PARD3: variants seen among roughly 807,000 people sequenced by gnomAD.
PARD3 encodes par-3 family cell polarity regulator, also known as partitioning defective 3 homolog.
In PARD3, 75 loss-of-function variants were observed where a neutral mutation model predicts 155.4. That is an observed-to-expected ratio of 0.48 (90% CI 0.40 to 0.58). The LOEUF (loss-of-function observed/expected upper bound fraction) is 0.58. PARD3 is among the 20% of genes least tolerant of loss of function. PARD3 has a pLI of 0.00. For missense variants in PARD3, 1,642 were observed against 1,721.7 expected, an observed-to-expected ratio of 0.95 and a Z score of 0.82; for synonymous variants, 576 against 610.5, an observed-to-expected ratio of 0.94 and a Z score of 0.83.
chr10:34,401,083 A>G (rs1843829956), intron 6 of PARD3, among the ~76,000 whole-genome samples: 1 of 152,218 alleles, frequency 6.6e-6, no homozygotes, highest in South Asian at 2.1e-4. Flanking sequence ...GACCAAGAAA[A>G]GACAGAATTA....
intron 7 of PARD3, among the ~76,000 whole-genome samples, chr10:34,396,051 T>C (rs1326391622): frequency 6.6e-6 from 1 of 152,072 alleles, no homozygotes; most frequent in Non-Finnish European, 1.5e-5. Context: ...TGCAAGATTC[T>C]TATTTTAAAA....
intron 22 of PARD3, among the ~76,000 whole-genome samples, chr10:34,171,447 A>C (rs1205965048): frequency 6.6e-6 from 1 of 152,152 alleles, no homozygotes. Context: ...AAATTCCACA[A>C]AGTGATATTA....
At chr10:34,631,716 A>G (rs760439801) in intron 2 of PARD3, among the ~76,000 whole-genome samples, 3 of 151,964 alleles carry the variant, frequency 2.0e-5, no homozygotes, top group Non-Finnish European at 4.4e-5. Context: ...CAATCCTCCA[A>G]CCTCCTGAGT....
At chr10:34,464,732 T>C (rs1195200447) in intron 4 of PARD3, among the ~76,000 whole-genome samples, 1 of 152,080 alleles carries the variant, frequency 6.6e-6, no homozygotes, top group African/African-American at 2.4e-5. Flanking sequence ...CATAGGAAAA[T>C]TCTCTCAATA....
At chr10:34,393,836 ATTTTT>A (rs11330074) in intron 7 of PARD3, among the ~76,000 whole-genome samples, 2 of 128,800 alleles carry the variant, frequency 1.6e-5, no homozygotes, top group Non-Finnish European at 1.6e-5. Flanking sequence ...AATAGTAGTA[ATTTTT>A]TTTTTTTTTT....
chr10:34,720,759 T>C (rs1414914561), intron 1 of PARD3, among the ~76,000 whole-genome samples: 1 of 151,786 alleles, frequency 6.6e-6, no homozygotes, highest in Non-Finnish European at 1.5e-5. Context: ...ATCGCGCCAT[T>C]GCACTCCAGC....
intron 2 of PARD3, among the ~76,000 whole-genome samples, chr10:34,532,918 T>C (rs775729387): frequency 2.0e-5 from 3 of 152,136 alleles, no homozygotes; most frequent in African/African-American, 7.2e-5. Context: ...CATCATAGAG[T>C]ATATTACATA....
At chr10:34,486,081 G>A (rs550952696) in intron 3 of PARD3, among the ~76,000 whole-genome samples, 40 of 152,088 alleles carry the variant, frequency 2.6e-4, no homozygotes, top group Admixed American at 1.1e-3. Context: ...GTGCCACGAT[G>A]AGTGGCTAAT....
chr10:34,293,407 C>G (rs908203653), intron 20 of PARD3, among the ~76,000 whole-genome samples: 40 of 152,082 alleles, frequency 2.6e-4, no homozygotes, highest in African/African-American at 7.2e-5. Context: ...CCCAAATACC[C>G]AAATGCAAAT....
chr10:34,680,354 T>A (rs1197132480), intron 2 of PARD3, among the ~76,000 whole-genome samples: 1 of 151,764 alleles, frequency 6.6e-6, no homozygotes, highest in Non-Finnish European at 1.5e-5. Context: ...AGGTCAGGAG[T>A]TCGAGACCAG....
At chr10:34,726,058 G>A (rs946392251) in intron 1 of PARD3, among the ~76,000 whole-genome samples, 4 of 152,154 alleles carry the variant, frequency 2.6e-5, no homozygotes, top group African/African-American at 9.7e-5. Flanking sequence ...AAGGATTTCT[G>A]CCTAACATGT....
In PARD3 at chr10:34,111,409, G is replaced by A; in HGVS notation, c.3822C>T (p.Ala1274=). 6.2e-7 allele frequency: 1 copy of A among 1,614,164 alleles called. No homozygotes were observed. Among genetic ancestry groups the A allele is most frequent in the South Asian group, 1.1e-5 (1 of 91,084 alleles). ...GCTCCTGAGTTTCCAGCATGACCCTGGCGTTGAAGCCATGTCCTCCCAGGT... is the reference window on the plus strand; with the variant it reads ...GCTCCTGAGTTTCCAGCATGACCCTAGCGTTGAAGCCATGTCCTCCCAGGT... ...NGYLGGHGFN[A]RVMLETQELL... is the part of the protein sequence containing the mutation. The change falls in exon 25 of 25, where the codon GCC becomes GCT. Residue 1274 remains alanine (A), a synonymous_variant. Transcript: ENST00000374788.
chr10:34,333,377 A>C (rs919810776), intron 18 of PARD3, among the ~76,000 whole-genome samples: 5 of 152,164 alleles, frequency 3.3e-5, no homozygotes, highest in Non-Finnish European at 7.4e-5. Context: ...TTGGAAAGAA[A>C]AACAATGGTC....
At chr10:34,524,306 CT>C (rs1379681188) in intron 2 of PARD3, among the ~76,000 whole-genome samples, 1 of 152,178 alleles carries the variant, frequency 6.6e-6, no homozygotes, top group African/African-American at 2.4e-5. Context: ...CCGACAAGAG[CT>C]AATGCCATCC....
At chr10:34,205,295 A>AT (rs67357003) in intron 22 of PARD3, among the ~76,000 whole-genome samples, 32,202 of 152,054 alleles carry the variant, frequency 0.21, 3,543 homozygotes, top group Middle Eastern at 0.32. Flanking sequence ...ATCTGACTGT[A>AT]TTTAGCCTGT....
At chr10:34,272,921 T>C (rs1265236732) in intron 21 of PARD3, among the ~76,000 whole-genome samples, 1 of 152,172 alleles carries the variant, frequency 6.6e-6, no homozygotes, top group African/African-American at 2.4e-5. Flanking sequence ...CATGATGAGC[T>C]ATTACTACAC....
At chr10:34,343,616 A>G (rs542475804) in intron 15 of PARD3, 1 of 985,302 alleles carries the variant, frequency 1.0e-6, no homozygotes, top group African/African-American at 1.7e-5. Flanking sequence ...TTATGGCTCC[A>G]AGATTATACC....
In PARD3 at chr10:34,360,231, G is replaced by T. The variant is rs141801341; in HGVS notation, c.1736C>A (p.Thr579Lys). Reference sequence around the variant, plus strand: ...CAGAAATTCCCTGGTGCCATCAGGTGTAAGAACAATATCCTCATCTTCTGC... The same window carrying T: ...CAGAAATTCCCTGGTGCCATCAGGTTTAAGAACAATATCCTCATCTTCTGC... ...TKAEDEDIVL[T>K]PDGTREFLTF... Residue 579 changes from threonine (T) to lysine (K), a missense_variant, in exon 13 of 25, where the codon ACA (threonine) becomes AAA (lysine). This residue lies in a region of PARD3 where 1,529 missense variants were observed against 1,587.3 expected (regional missense o/e 0.96). Transcript: ENST00000374788. 6.2e-7 allele frequency: 1 copy of T among 1,613,410 alleles called. No homozygotes were observed.
At chr10:34,151,618 G>A (rs1156438898) in intron 22 of PARD3, among the ~76,000 whole-genome samples, 1 of 152,124 alleles carries the variant, frequency 6.6e-6, no homozygotes, top group Middle Eastern at 3.4e-3. Flanking sequence ...TTCACATCTC[G>A]CCAAGTCATA....
Sources: allele counts gnomAD v4.1 joint callset (sites outside exome capture counted in the v4.1 genomes callset), GRCh38; gene constraint gnomAD v4.1.1; regional missense constraint gnomAD v4.1.1; transcripts MANE v1.5; gene names NCBI Gene and HGNC (gene_info 2026-07-23, HGNC 2026-07-21).